Variants in CDK8 observed in about 807,000 individuals in gnomAD.
CDK8 encodes cyclin dependent kinase 8, also known as cyclin-dependent kinase 8.
CDK8 carries 29 observed loss-of-function variants against 71.5 expected under a neutral mutation model. The ratio of observed to expected loss-of-function variants is 0.41; its 90% confidence interval spans 0.30 to 0.55. The LOEUF is 0.55. CDK8 is among the 20% of genes least tolerant of loss of function. CDK8 has a pLI of 0.37. For missense variants in CDK8, 288 were observed against 572.6 expected (o/e 0.50, Z 5.07); for synonymous variants, 161 against 192.1 (o/e 0.84, Z 1.34).
intron 1 of CDK8, among the ~76,000 whole-genome samples, chr13:26,273,791 A>G (rs1321889377): frequency 1.3e-5 from 2 of 152,006 alleles, no homozygotes; most frequent in Non-Finnish European, 2.9e-5. Context: ...AAAGTTTTAT[A>G]CTTTTAAATT....
In CDK8 at chr13:26,310,579, G is replaced by A. The variant is rs7336767; in HGVS notation, c.129-26988G>A. Among the ~76,000 whole-genome samples the A allele has an allele frequency of 6.7e-3, 1,018 of 152,166 alleles. 16 individuals are homozygous for A. The highest frequency in any genetic ancestry group is 0.023 in the African/African-American group (936 of 41,482). ...TCCCTCGCATACAGTTCACAATAGG[G>A]TCCGTTCTCCTATGAGAATCTAATG... On this transcript the variant is annotated intron_variant, in intron 1 of 12. Transcript: ENST00000381527.
chr13:26,389,352 G>A (rs143073600), intron 6 of CDK8, among the ~76,000 whole-genome samples: 8,836 of 151,954 alleles, frequency 0.058, 857 homozygotes, highest in African/African-American at 0.2. Context: ...TAGAGACAGG[G>A]TTTTGCCATG....
intron 4 of CDK8, among the ~76,000 whole-genome samples, chr13:26,361,155 T>C (rs1439815875): frequency 6.6e-5 from 10 of 152,228 alleles, no homozygotes; most frequent in African/African-American, 2.4e-4. Context: ...ATAGTTAATA[T>C]ACATCCCTCA....
Position 26,353,847 on chromosome 13 carries a change from C to T in CDK8, c.423C>T (p.Tyr141=), listed in dbSNP as rs1316615750. 2 of 1,613,132 alleles carry T rather than the reference C, an allele frequency of 1.2e-6. No individual in the cohort carries two copies. Among genetic ancestry groups the T allele is most frequent in the African/African-American group, 1.3e-5 (1 of 74,904 alleles). The change falls in exon 4 of 13, where the codon TAC becomes TAT. Residue 141 remains tyrosine, a synonymous_variant. Coordinates refer to ENST00000381527, the MANE Select transcript of CDK8 (RefSeq NM_001260.3). ...LLYQILDGIH[Y]LHANWVLHRD... Reference sequence around the variant, plus strand: ...ATCAGATCCTAGATGGTATTCACTACCTGCATGCTAACTGGGTGTTGCACA... The same window carrying T: ...ATCAGATCCTAGATGGTATTCACTATCTGCATGCTAACTGGGTGTTGCACA...
intron 1 of CDK8, among the ~76,000 whole-genome samples, chr13:26,326,086 T>G (rs1175724): frequency 0.95 from 144,066 of 152,244 alleles, 68,211 homozygotes; most frequent in East Asian, 1. Context: ...CAAGAGCCTT[T>G]GTCCCTAAGT....
Position 26,353,832 on chromosome 13 carries a change from A to G in CDK8, c.408A>G (p.Leu136=), listed in dbSNP as rs767986476. The G allele has an allele frequency of 1.9e-6, 3 of 1,613,186 alleles. No homozygotes were observed. Among genetic ancestry groups the G allele is most frequent in the Non-Finnish European group, 2.5e-6 (3 of 1,179,372 alleles). The part of the protein sequence containing the change: ...GMVKSLLYQI[L]DGIHYLHANW... ...TGAAGTCACTATTATATCAGATCCT[A>G]GATGGTATTCACTACCTGCATGCTA... Residue 136 remains leucine (L), a synonymous_variant, in exon 4 of 13, where the codon CTA becomes CTG. Coordinates refer to ENST00000381527, the MANE Select transcript of CDK8 (RefSeq NM_001260.3).
At chr13:26,284,379 C>G (rs1026721532) in intron 1 of CDK8, among the ~76,000 whole-genome samples, 6 of 151,966 alleles carry the variant, frequency 3.9e-5, no homozygotes, top group South Asian at 2.1e-4. Context: ...AGATAAACAA[C>G]ATTGAAAGAC....
At chr13:26,273,137 C>T (rs1024198903) in intron 1 of CDK8, among the ~76,000 whole-genome samples, 1 of 152,104 alleles carries the variant, frequency 6.6e-6, no homozygotes, top group African/African-American at 2.4e-5. Flanking sequence ...GAACTTCTTT[C>T]TTTTGGTGAT....
intron 1 of CDK8, among the ~76,000 whole-genome samples, chr13:26,335,958 C>T (rs1365491015): frequency 6.9e-6 from 1 of 144,016 alleles, no homozygotes; most frequent in Non-Finnish European, 1.5e-5. Flanking sequence ...AACAACAGAC[C>T]TTTAAAGGTG....
chr13:26,385,233 A>G lies in CDK8; in HGVS notation c.537A>G (p.Leu179=), dbSNP rs373487382. Residue 179 remains leucine (L), a synonymous_variant, in exon 6 of 13, where the codon TTA becomes TTG. Transcript: ENST00000381527. ...CAGCTGACATGGGCTTTGCCCGATT[A>G]TTTAATTCACCTTTGAAGCCTTTAG... ...VKIADMGFAR[L]FNSPLKPLAD... 39 of 1,611,356 alleles carry G rather than the reference A, an allele frequency of 2.4e-5. No homozygotes were observed. The highest frequency in any genetic ancestry group is 3.2e-5 in the Non-Finnish European group (38 of 1,178,986).
intron 1 of CDK8, among the ~76,000 whole-genome samples, chr13:26,287,631 A>G (rs1487942010): frequency 1.3e-5 from 2 of 152,184 alleles, no homozygotes; most frequent in Non-Finnish European, 2.9e-5. Context: ...TACACTGCTC[A>G]GGTGATGGGT....
chr13:26,358,255 C>T lies in CDK8; in HGVS notation c.456+4375C>T, dbSNP rs371573111. 2.0e-3 allele frequency among the ~76,000 whole-genome samples: 308 copies of T among 151,944 alleles called. 2 individuals are homozygous for T. The highest frequency in any genetic ancestry group is 7.0e-3 in the African/African-American group (288 of 41,432). ...CAGAGCTTGCAGTGAGCTGGGATCG[C>T]GCCACTGCACTCCAGCCTGGGCAAC... On this transcript the variant is annotated intron_variant, in intron 4 of 12. Transcript: ENST00000381527.
intron 4 of CDK8, among the ~76,000 whole-genome samples, chr13:26,369,461 A>AAG (rs1187874617): frequency 6.7e-6 from 1 of 149,704 alleles, no homozygotes; most frequent in Non-Finnish European, 1.5e-5. Context: ...AAAAAAAAAA[A>AAG]AAAAAAAAAA....
chr13:26,258,576 G>A (rs950775898), intron 1 of CDK8, among the ~76,000 whole-genome samples: 11 of 152,000 alleles, frequency 7.2e-5, no homozygotes, highest in African/African-American at 2.7e-4. Context: ...AACTCTAGAT[G>A]AGCGATCCTG....
intron 1 of CDK8, among the ~76,000 whole-genome samples, chr13:26,286,535 T>C (rs534052629): frequency 1.3e-5 from 2 of 152,234 alleles, no homozygotes; most frequent in South Asian, 2.1e-4. Flanking sequence ...AAGACTTAAA[T>C]CTAAGATCTG....
At chr13:26,319,105 C>T (rs1295610513) in intron 1 of CDK8, among the ~76,000 whole-genome samples, 1 of 152,104 alleles carries the variant, frequency 6.6e-6, no homozygotes, top group Non-Finnish European at 1.5e-5. Flanking sequence ...AAATCAGTTG[C>T]ATTTCCGTAC....
At position 26,271,806 on chromosome 13, in the gene CDK8, C is replaced by CTTTTTTT. The variant is rs58160694; in HGVS notation, c.128+17067_128+17073dup. Among the ~76,000 whole-genome samples, 11 of 62,670 alleles carry CTTTTTTT rather than the reference C, an allele frequency of 1.8e-4. 2 individuals carry two copies. The highest frequency in any genetic ancestry group is 5.2e-4 in the African/African-American group (6 of 11,548). 41.1% of individuals were successfully genotyped at this position (62,670 alleles called of 152,430 possible). On this transcript the variant is annotated intron_variant, in intron 1 of 12. Transcript: ENST00000381527. ...CCTGGGGGACAGAGTGAGACCCTGT[C>CTTTTTTT]TTTTTTTTTTTTTTTTTTTTTTTTT...
intron 7 of CDK8, among the ~76,000 whole-genome samples, chr13:26,395,686 T>C (rs1343982165): frequency 6.6e-6 from 1 of 152,144 alleles, no homozygotes; most frequent in Non-Finnish European, 1.5e-5. Context: ...GGGGTTGTTT[T>C]GGGTAATGTT....
intron 1 of CDK8, among the ~76,000 whole-genome samples, chr13:26,336,615 G>A (rs959902500): frequency 1.6e-3 from 242 of 148,002 alleles, no homozygotes; most frequent in African/African-American, 5.6e-3. Flanking sequence ...CTGCAGTGGC[G>A]TGATCTCGGC....
Sources: gnomAD v4.1 joint callset for allele counts (sites outside exome capture counted in the v4.1 genomes callset) on GRCh38, gnomAD v4.1.1 for gene constraint, MANE v1.5 for transcripts, NCBI Gene and HGNC (gene_info 2026-07-23, HGNC 2026-07-21) for gene names.